Variants in EML6 observed in about 807,000 individuals in gnomAD.
EML6 encodes echinoderm microtubule-associated protein-like 6.
EML6 carries 154 observed loss-of-function variants against 240.1 expected under a neutral mutation model. That is an observed-to-expected ratio of 0.64 (90% CI 0.56 to 0.73). The LOEUF (loss-of-function observed/expected upper bound fraction) is 0.73. Among genes scored for constraint, EML6 ranks in the 30% least tolerant of loss-of-function variants. EML6 has a pLI of 0.00. For missense variants in EML6, 2,964 were observed against 2,474.6 expected, an observed-to-expected ratio of 1.20 and a Z score of -4.20; for synonymous variants, 1,148 against 899.0, an observed-to-expected ratio of 1.28 and a Z score of -4.95.
chr2:54,815,285 T>A (rs1668032555), intron 3 of EML6, among the ~76,000 whole-genome samples: 1 of 152,144 alleles, frequency 6.6e-6, no homozygotes, highest in East Asian at 1.9e-4. Flanking sequence ...AATAACCTCT[T>A]GTATGTTAGC....
intron 7 of EML6, among the ~76,000 whole-genome samples, chr2:54,834,482 T>C (rs574290864): frequency 6.6e-6 from 1 of 152,344 alleles, no homozygotes; most frequent in South Asian, 2.1e-4. Flanking sequence ...CAGTATAAGA[T>C]GTATTATTTA....
intron 6 of EML6, among the ~76,000 whole-genome samples, chr2:54,828,156 A>T (rs1013937266): frequency 1.1e-4 from 16 of 152,314 alleles, no homozygotes; most frequent in African/African-American, 3.6e-4. Flanking sequence ...TTGAACAGGA[A>T]AGGTGTAGAT....
At chr2:54,925,186 CCA>C (rs1375865793) in intron 26 of EML6, among the ~76,000 whole-genome samples, 1 of 152,048 alleles carries the variant, frequency 6.6e-6, no homozygotes, top group Non-Finnish European at 1.5e-5. Flanking sequence ...CTTTCACTCT[CCA>C]CACACACACC....
chr2:54,962,782 A>G, intron 36 of EML6, 71 bp downstream of exon 36: 2 of 1,286,434 alleles, frequency 1.6e-6, no homozygotes, highest in East Asian at 5.6e-5. Context: ...GAGCGAGGAG[A>G]GGCCCAGCCA....
chr2:54,839,006 A>G (rs779094420), intron 7 of EML6, among the ~76,000 whole-genome samples: 3 of 152,242 alleles, frequency 2.0e-5, no homozygotes, highest in Non-Finnish European at 2.9e-5. Context: ...TCTGACTCCC[A>G]GAGCAGAATA....
chr2:54,825,153 G>C (rs1335182854), intron 5 of EML6, among the ~76,000 whole-genome samples: 1 of 152,106 alleles, frequency 6.6e-6, no homozygotes, highest in Non-Finnish European at 1.5e-5. Flanking sequence ...ACTCAGACGG[G>C]GGGTGTATAT....
intron 16 of EML6, among the ~76,000 whole-genome samples, chr2:54,873,557 C>G (rs1321938474): frequency 1.3e-5 from 2 of 151,696 alleles, no homozygotes; most frequent in Non-Finnish European, 2.9e-5. Flanking sequence ...AATTTTAGTT[C>G]AAATACGATT....
At chr2:54,748,101 T>A (rs1320072993) in intron 2 of EML6, among the ~76,000 whole-genome samples, 2 of 151,598 alleles carry the variant, frequency 1.3e-5, no homozygotes, top group Non-Finnish European at 3.0e-5. Flanking sequence ...AAATTGTTTA[T>A]TAATTCTGGC....
At chr2:54,776,679 G>A (rs115538226) in intron 2 of EML6, among the ~76,000 whole-genome samples, 1,695 of 152,192 alleles carry the variant, frequency 0.011, 17 homozygotes, top group Non-Finnish European at 0.015. Context: ...ACATGCACAT[G>A]TATTCCCTGA....
At chr2:54,775,796 A>G (rs924772509) in intron 2 of EML6, among the ~76,000 whole-genome samples, 2 of 152,180 alleles carry the variant, frequency 1.3e-5, no homozygotes, top group Non-Finnish European at 2.9e-5. Flanking sequence ...ATGGGAATAT[A>G]TAGTCTACAA....
At chr2:54,928,959 G>A (rs185131209) in intron 28 of EML6, among the ~76,000 whole-genome samples, 150 of 152,312 alleles carry the variant, frequency 9.8e-4, no homozygotes, top group Non-Finnish European at 1.5e-3. Flanking sequence ...ATACTTTGTG[G>A]AAGTTGGTTA....
Position 54,891,099 on chromosome 2 carries a change from T to C in EML6, c.2484T>C (p.His828=), listed in dbSNP as rs1672442489. Residue 828 remains histidine, a synonymous_variant, in exon 18 of 42, where the codon CAT becomes CAC. Transcript: ENST00000356458. ...TTGTGGTAAAGTGTAACCCACACCA[T>C]GTTGACAAACTGGTTACAGTTGGGA... ...KIFVVKCNPH[H]VDKLVTVGIK... The C allele has an allele frequency of 6.6e-7, 1 of 1,511,296 alleles. No individual in the cohort carries two copies. The allele number at this position is 1,511,296 out of a possible 1,614,324, so 93.6% of individuals were successfully genotyped here.
chr2:54,910,700 C>G (rs1341584552), intron 24 of EML6, among the ~76,000 whole-genome samples: 3 of 152,130 alleles, frequency 2.0e-5, no homozygotes, highest in Non-Finnish European at 4.4e-5. Context: ...ACATATCAAG[C>G]TTTATTCTTC....
intron 2 of EML6, among the ~76,000 whole-genome samples, chr2:54,798,507 C>T (rs115605214): frequency 2.0e-5 from 3 of 152,146 alleles, no homozygotes; most frequent in African/African-American, 7.2e-5. Context: ...AGCTATACAT[C>T]TTTTTGTTAA....
chr2:54,965,424 C>T (rs574909243), intron 38 of EML6, among the ~76,000 whole-genome samples: 42 of 152,286 alleles, frequency 2.8e-4, no homozygotes, highest in African/African-American at 8.2e-4. Context: ...TTCACCTTGC[C>T]GGCTGCCTAG....
At chr2:54,968,097 TCTATC>T in intron 39 of EML6, 26 bp from the exon 40 acceptor site, 18 of 1,548,530 alleles carry the variant, frequency 1.2e-5, no homozygotes, top group Non-Finnish European at 1.6e-5. Flanking sequence ...GTGACTTCCT[TCTATC>T]CTAACCCCTC....
At position 54,957,826 on chromosome 2, in the gene EML6, G is replaced by T; in HGVS notation, c.4523G>T (p.Arg1508Leu). 6.5e-7 allele frequency: 1 copy of T among 1,550,174 alleles called. No homozygotes were observed. The highest frequency in any genetic ancestry group is 8.7e-7 in the Non-Finnish European group (1 of 1,146,980). ...KVASRGGHLE[R>L]IFVVEFRPDS... ...GCCAGCCGAGGGGGTCACCTGGAGCGCATATTTGTGGTGGAATTTCGCCCC... is the reference window on the plus strand; with the variant it reads ...GCCAGCCGAGGGGGTCACCTGGAGCTCATATTTGTGGTGGAATTTCGCCCC... Residue 1508 changes from arginine (R) to leucine (L), a missense_variant, in exon 33 of 42, where the codon CGC (arginine) becomes CTC (leucine). Coordinates refer to ENST00000356458, the MANE Select transcript of EML6 (RefSeq NM_001039753.4).
intron 24 of EML6, among the ~76,000 whole-genome samples, chr2:54,905,391 C>A (rs959617177): frequency 1.4e-5 from 2 of 145,282 alleles, no homozygotes. Context: ...ATACCTGATA[C>A]AATACGTGAA....
intron 40 of EML6, 145 bp from the exon 41 acceptor site, chr2:54,968,523 G>C (rs575249509): frequency 5.9e-6 from 4 of 674,938 alleles, no homozygotes; most frequent in East Asian, 2.7e-5. Context: ...TCAGCCAAAG[G>C]CTGGCTAATA....
Sources: gnomAD v4.1 joint callset for allele counts (sites outside exome capture counted in the v4.1 genomes callset) on GRCh38, gnomAD v4.1.1 for gene constraint, MANE v1.5 for transcripts, NCBI Gene and HGNC (gene_info 2026-07-23, HGNC 2026-07-21) for gene names.